LAMP3: variants seen among roughly 807,000 people sequenced by gnomAD.
LAMP3 encodes lysosome associated membrane protein 3.
Under a neutral mutation model 34.8 loss-of-function variants are expected in LAMP3, and 26 were observed. The ratio of observed to expected loss-of-function variants is 0.75; its 90% confidence interval spans 0.55 to 1.04. LAMP3 has a LOEUF of 1.04. LAMP3 is among the 50% of genes least tolerant of loss of function. LAMP3 has a pLI of 0.00. For synonymous variants in LAMP3, 180 were observed against 201.9 expected (o/e 0.89, Z 0.92); for missense variants, 495 against 524.0 (o/e 0.94, Z 0.54).
intron 5 of LAMP3, 69 bp from the exon 6 acceptor site, chr3:183,124,283 G>C: frequency 7.3e-7 from 1 of 1,361,182 alleles, no homozygotes; most frequent in Non-Finnish European, 9.7e-7. Flanking sequence ...CAGGCTAGAG[G>C]GGAAAGAAGA....
At chr3:183,132,033 T>C (rs2108596566) in intron 5 of LAMP3, 1 of 985,242 alleles carries the variant, frequency 1.0e-6, no homozygotes, top group South Asian at 4.7e-5. Context: ...TCTGTCTCCC[T>C]CCTGTCCTGC....
chr3:183,123,150 G>T lies in LAMP3; in HGVS notation c.*931C>A, dbSNP rs16833703. The T allele has an allele frequency of 6.6e-6, 1 of 152,058 alleles. No homozygotes were observed. The highest frequency in any genetic ancestry group is 2.1e-4 in the South Asian group (1 of 4,828). The allele number at this position is 152,058 out of a possible 1,614,324, so 9.4% of individuals were successfully genotyped here. On this transcript the variant is annotated 3_prime_UTR_variant, in exon 6 of 6. Transcript: ENST00000265598. ...GTAGCCACCTAATTCTTAGTCTAGCGATTCTGGAGCAGGAGTCATCAAGAT... is the reference window on the plus strand; with the variant it reads ...GTAGCCACCTAATTCTTAGTCTAGCTATTCTGGAGCAGGAGTCATCAAGAT...
intron 5 of LAMP3, among the ~76,000 whole-genome samples, chr3:183,125,992 C>A (rs577647871): frequency 6.6e-6 from 1 of 152,100 alleles, no homozygotes; most frequent in East Asian, 1.9e-4. Flanking sequence ...GAAAAAAGAA[C>A]TTTGACAAGT....
rs372694518 is a variant in LAMP3 at position 183,153,944 on chromosome 3, G to T, written c.497C>A (p.Thr166Asn). Residue 166 changes from threonine (T) to asparagine (N), a missense_variant, in exon 2 of 6, where the codon ACC becomes AAC. Thr to Asn is a moderately conservative substitution (Grantham distance 65, BLOSUM62 0). Transcript: ENST00000265598. The part of the protein sequence containing the change: ...TGNTTQPSNQ[T>N]TLPATLSIAL... ...TATCGATAAAGTTGCTGGAAGGGTG[G>T]TCTGGTTACTGGGTTGAGTGGTGTT... 2 of 1,614,202 alleles carry T rather than the reference G, an allele frequency of 1.2e-6. No individual in the cohort carries two copies. Among genetic ancestry groups the T allele is most frequent in the Non-Finnish European group, 1.7e-6 (2 of 1,180,038 alleles).
intron 5 of LAMP3, among the ~76,000 whole-genome samples, chr3:183,130,668 T>C (rs1295540538): frequency 6.6e-6 from 1 of 152,136 alleles, no homozygotes; most frequent in Non-Finnish European, 1.5e-5. Flanking sequence ...GATATTTGGA[T>C]TCTATTCTCT....
intron 5 of LAMP3, among the ~76,000 whole-genome samples, chr3:183,131,653 C>T (rs78253859): frequency 0.027 from 4,065 of 152,230 alleles, 155 homozygotes; most frequent in African/African-American, 0.081. Context: ...AGCAAAAATG[C>T]CTCCTGGGAG....
chr3:183,138,485 A>G (rs948127554), intron 4 of LAMP3, among the ~76,000 whole-genome samples: 1 of 152,190 alleles, frequency 6.6e-6, no homozygotes, highest in African/African-American at 2.4e-5. Flanking sequence ...ACAGACATGA[A>G]AACTCTTAGT....
At chr3:183,158,969 G>C (rs1452586007) in intron 1 of LAMP3, among the ~76,000 whole-genome samples, 1 of 151,970 alleles carries the variant, frequency 6.6e-6, no homozygotes, top group African/African-American at 2.4e-5. Flanking sequence ...CATGCTCAGG[G>C]CTCACTGTAG....
chr3:183,129,023 AAAAC>A (rs766255252), intron 5 of LAMP3, among the ~76,000 whole-genome samples: 12 of 152,266 alleles, frequency 7.9e-5, no homozygotes, highest in South Asian at 2.1e-4. Context: ...ACTCTGTCTC[AAAAC>A]AAACAAACAA....
intron 5 of LAMP3, among the ~76,000 whole-genome samples, chr3:183,133,920 A>G (rs1182299245): frequency 6.6e-6 from 1 of 152,176 alleles, no homozygotes; most frequent in Non-Finnish European, 1.5e-5. Flanking sequence ...AAAATCGCCT[A>G]TCACTCAAGA....
At chr3:183,154,435 C>T in intron 1 of LAMP3, 44 bp from the exon 2 acceptor site, 2 of 1,426,776 alleles carry the variant, frequency 1.4e-6, no homozygotes, top group Non-Finnish European at 1.9e-6. Flanking sequence ...TAACCGATTG[C>T]TTACAAGGTT....
intron 5 of LAMP3, chr3:183,132,429 G>A (rs980996439): frequency 1.2e-5 from 12 of 976,866 alleles, no homozygotes; most frequent in African/African-American, 1.8e-5. Context: ...TGAAAATCAG[G>A]ACTCTTGAAA....
intron 4 of LAMP3, among the ~76,000 whole-genome samples, chr3:183,138,960 C>G (rs1415296960): frequency 2.0e-5 from 3 of 152,126 alleles, no homozygotes; most frequent in Non-Finnish European, 4.4e-5. Context: ...CCAGATACCC[C>G]CAAAGAGCTG....
intron 4 of LAMP3, among the ~76,000 whole-genome samples, chr3:183,139,368 C>T (rs965371192): frequency 2.1e-5 from 3 of 144,910 alleles, no homozygotes; most frequent in South Asian, 2.2e-4. Flanking sequence ...CCAGCCTGGG[C>T]GACAGAGCGA....
chr3:183,148,186 C>T (rs1286221256), intron 3 of LAMP3, among the ~76,000 whole-genome samples: 1 of 152,162 alleles, frequency 6.6e-6, no homozygotes, highest in African/African-American at 2.4e-5. Flanking sequence ...GGATTAAGGA[C>T]TTAAATCTAA....
rs59819414 is a variant in LAMP3 at position 183,156,457 on chromosome 3, C to A, written c.50-2066G>T. ...CTGCGTCCCTTCAATTTTGTGGTTTCTCAGTGTTTACCCACAGACTCTCAG... is the reference window on the plus strand; with the variant it reads ...CTGCGTCCCTTCAATTTTGTGGTTTATCAGTGTTTACCCACAGACTCTCAG... On this transcript the variant is annotated intron_variant, in intron 1 of 5. Coordinates refer to ENST00000265598, the MANE Select transcript of LAMP3 (RefSeq NM_014398.4). 9.7e-3 allele frequency among the ~76,000 whole-genome samples: 1,471 copies of A among 152,280 alleles called. 30 individuals are homozygous for A. Among genetic ancestry groups the A allele is most frequent in the African/African-American group, 0.034 (1,426 of 41,546 alleles).
chr3:183,161,995 GC>G, intron 1 of LAMP3: 1 of 985,194 alleles, frequency 1.0e-6, no homozygotes, highest in Non-Finnish European at 1.2e-6. Context: ...TGTTAGCCGG[GC>G]GGTAGGGACG....
Position 183,153,864 on chromosome 3 carries a change from C to T in LAMP3, c.577G>A (p.Gly193Arg). ...QKPVQPTHAP[G>R]TTAAAHNTTR... is the part of the protein sequence containing the mutation. Reference sequence around the variant, plus strand: ...GTATTGTGGGCAGCTGCCGTTGTTCCTGGGGCATGGGTGGGTTGAACAGGC... The same window carrying T: ...GTATTGTGGGCAGCTGCCGTTGTTCTTGGGGCATGGGTGGGTTGAACAGGC... The change falls in exon 2 of 6, where the codon GGA (glycine) becomes AGA (arginine). Residue 193 changes from glycine (G) to arginine (R), a missense_variant. Physicochemically the swap from Gly to Arg is moderately radical, Grantham distance 125 (BLOSUM62 -2). Coordinates refer to ENST00000265598, the MANE Select transcript of LAMP3 (RefSeq NM_014398.4). 1 of 1,612,876 alleles carries T rather than the reference C, an allele frequency of 6.2e-7. No homozygotes were observed. The highest frequency in any genetic ancestry group is 1.1e-5 in the South Asian group (1 of 90,926).
chr3:183,130,405 G>A (rs528197697), intron 5 of LAMP3, among the ~76,000 whole-genome samples: 34 of 152,026 alleles, frequency 2.2e-4, no homozygotes, highest in East Asian at 1.6e-3. Context: ...TGATCCGCCC[G>A]CCTCGGCCTC....
Sources: allele counts gnomAD v4.1 joint callset (sites outside exome capture counted in the v4.1 genomes callset), GRCh38; gene constraint gnomAD v4.1.1; transcripts MANE v1.5; gene names NCBI Gene and HGNC (gene_info 2026-07-23, HGNC 2026-07-21).